CYRIB: variants seen among roughly 807,000 people sequenced by gnomAD.
The protein encoded by CYRIB is CYFIP related Rac1 interactor B.
CYRIB carries 8 observed loss-of-function variants against 44.2 expected under a neutral mutation model. That is an observed-to-expected ratio of 0.18 (90% CI 0.11 to 0.33). The LOEUF (loss-of-function observed/expected upper bound fraction) is 0.33. CYRIB is among the 10% of genes least tolerant of loss of function. The pLI is 1.00. For synonymous variants in CYRIB, 131 were observed against 127.2 expected, an observed-to-expected ratio of 1.03 and a Z score of -0.20; for missense variants, 185 against 382.8, an observed-to-expected ratio of 0.48 and a Z score of 4.31.
intron 2 of CYRIB, among the ~76,000 whole-genome samples, chr8:129,893,732 G>A (rs898046188): frequency 2.6e-5 from 4 of 151,634 alleles, no homozygotes; most frequent in African/African-American, 7.3e-5. Context: ...ATGGGTTCTC[G>A]CTATGTTGTC....
chr8:129,840,809 G>C (rs2035957698), exon 12 of CYRIB: 1 of 152,218 alleles, frequency 6.6e-6, no homozygotes, highest in Non-Finnish European at 1.5e-5. Flanking sequence ...GGGCCAGAGA[G>C]ATCAGCAGGG....
chr8:129,890,378 C>A lies in CYRIB; in HGVS notation c.-10-10907G>T, dbSNP rs1469681583. On this transcript the variant is annotated intron_variant, in intron 2 of 11. Transcript: ENST00000519824. ...TGAAGCCATTAACATCCAGGCAAGA[C>A]CCTCCACTAGCAAAAAGGTTAAGAC... 3 of 152,216 alleles carry A rather than the reference C, an allele frequency of 2.0e-5. No homozygotes were observed. The East Asian group carries it at 5.8e-4, about 29-fold the overall frequency. 9.4% of individuals were successfully genotyped at this position (152,216 alleles called of 1,614,324 possible).
intron 11 of CYRIB, among the ~76,000 whole-genome samples, chr8:129,843,294 G>A (rs550752183): frequency 2.6e-5 from 4 of 152,208 alleles, no homozygotes; most frequent in Non-Finnish European, 5.9e-5. Flanking sequence ...AAAAGCCAGT[G>A]GAGCATATTA....
chr8:129,909,032 T>TC (rs1257979546), intron 1 of CYRIB, among the ~76,000 whole-genome samples: 2 of 151,972 alleles, frequency 1.3e-5, no homozygotes, highest in Non-Finnish European at 2.9e-5. Context: ...CCTAAAGCAA[T>TC]CCCCCCATCT....
chr8:129,945,128 C>T (rs143259369), intron 2 of CYRIB, among the ~76,000 whole-genome samples: 1 of 152,206 alleles, frequency 6.6e-6, no homozygotes, highest in Non-Finnish European at 1.5e-5. Flanking sequence ...CCTGGGCAAC[C>T]GCATTGCTGT....
intron 3 of CYRIB, among the ~76,000 whole-genome samples, chr8:129,877,974 G>A (rs2059709931): frequency 6.6e-6 from 1 of 152,142 alleles, no homozygotes; most frequent in South Asian, 2.1e-4. Flanking sequence ...CAGCTCTAAT[G>A]TAAGTTGCCT....
At chr8:129,906,717 A>G (rs1422751098) in intron 1 of CYRIB, among the ~76,000 whole-genome samples, 2 of 152,268 alleles carry the variant, frequency 1.3e-5, no homozygotes, top group Non-Finnish European at 2.9e-5. Context: ...ACAAAGGGCT[A>G]ATATCCAGAA....
chr8:129,933,035 C>G (rs2091966636), intron 1 of CYRIB, among the ~76,000 whole-genome samples: 1 of 152,066 alleles, frequency 6.6e-6, no homozygotes, highest in South Asian at 2.1e-4. Flanking sequence ...GGCAACAAGC[C>G]CCATGGTCCC....
intron 1 of CYRIB, among the ~76,000 whole-genome samples, chr8:129,931,165 GAA>G (rs1295886453): frequency 6.6e-6 from 1 of 150,530 alleles, no homozygotes; most frequent in African/African-American, 2.4e-5. Context: ...AAAAAAGAAA[GAA>G]AGAAAAATTG....
In CYRIB at chr8:129,854,353, A is replaced by T; in HGVS notation, c.439-10T>A. 6.3e-7 allele frequency: 1 copy of T among 1,596,394 alleles called. No individual in the cohort carries two copies. The highest frequency in any genetic ancestry group is 1.1e-5 in the South Asian group (1 of 87,432). On this transcript the variant is annotated splice_polypyrimidine_tract_variant and intron_variant, in intron 6 of 11. Coordinates refer to ENST00000519824, the Ensembl canonical transcript of CYRIB. ...TGGCAGGATTTGTCATCTGAAGAAG[A>T]CAGTTGTGGAAAAAAAATGTTATGT...
intron 2 of CYRIB, among the ~76,000 whole-genome samples, chr8:129,962,588 CAT>C (rs2095311233): frequency 6.6e-6 from 1 of 151,982 alleles, no homozygotes; most frequent in Admixed American, 6.6e-5. Flanking sequence ...AAACAGCTAT[CAT>C]ATGTCTCCCC....
intron 1 of CYRIB, among the ~76,000 whole-genome samples, chr8:129,906,015 G>A: frequency 6.6e-6 from 1 of 152,112 alleles, no homozygotes; most frequent in East Asian, 1.9e-4. Flanking sequence ...TCGTGAAAAT[G>A]GCCATACTGC....
chr8:129,999,743 C>T (rs1215277653), intron 1 of CYRIB, among the ~76,000 whole-genome samples: 1 of 152,242 alleles, frequency 6.6e-6, no homozygotes, highest in African/African-American at 2.4e-5. Context: ...CCTCCCACTT[C>T]AGCCTCCCGA....
intron 2 of CYRIB, among the ~76,000 whole-genome samples, chr8:129,964,601 G>A (rs931629938): frequency 6.6e-6 from 1 of 152,048 alleles, no homozygotes; most frequent in Non-Finnish European, 1.5e-5. Context: ...TGGGATTATC[G>A]GGCCAAGCAC....
upstream of CYRIB, among the ~76,000 whole-genome samples, chr8:129,941,507 C>T (rs2093700853): frequency 6.6e-6 from 1 of 152,072 alleles, no homozygotes; most frequent in South Asian, 2.1e-4. Context: ...CTCCTGAGCT[C>T]AGGCAATCCA....
intron 1 of CYRIB, among the ~76,000 whole-genome samples, chr8:129,932,726 A>G (rs1056085406): frequency 6.6e-6 from 1 of 152,146 alleles, no homozygotes; most frequent in African/African-American, 2.4e-5. Context: ...AGTTCTGGGG[A>G]AAGAGGATGG....
intron 1 of CYRIB, among the ~76,000 whole-genome samples, chr8:129,926,047 G>T (rs2087525407): frequency 6.6e-6 from 1 of 152,180 alleles, no homozygotes; most frequent in Non-Finnish European, 1.5e-5. Context: ...GCTCTCTTTT[G>T]AACACCCACA....
intron 1 of CYRIB, among the ~76,000 whole-genome samples, chr8:129,990,936 G>A (rs1292953661): frequency 6.6e-6 from 1 of 151,992 alleles, no homozygotes; most frequent in Non-Finnish European, 1.5e-5. Flanking sequence ...TTCAAGACCA[G>A]CCTGGCCAAC....
At chr8:129,908,896 ATAT>A (rs2076722004) in intron 1 of CYRIB, among the ~76,000 whole-genome samples, 1 of 152,194 alleles carries the variant, frequency 6.6e-6, no homozygotes, top group Non-Finnish European at 1.5e-5. Flanking sequence ...TACTGCGCAA[ATAT>A]TAATACTAAA....
Sources: gnomAD v4.1 joint callset for allele counts (sites outside exome capture counted in the v4.1 genomes callset) on GRCh38, gnomAD v4.1.1 for gene constraint, MANE v1.5 for transcripts, NCBI Gene and HGNC (gene_info 2026-07-23, HGNC 2026-07-21) for gene names.